The following NCOA2 variants were observed in gnomAD, a reference collection of about 807,000 sequenced individuals.
The protein encoded by NCOA2 is class E basic helix-loop-helix protein 75.
NCOA2 carries 21 observed loss-of-function variants against 145.1 expected under a neutral mutation model. That is an observed-to-expected ratio of 0.14 (90% CI 0.10 to 0.21). The LOEUF (loss-of-function observed/expected upper bound fraction) is 0.21. NCOA2 is among the 10% of genes least tolerant of loss of function. The pLI, the probability that NCOA2 is intolerant of heterozygous loss-of-function variation, is 1.00. For synonymous variants in NCOA2, 619 were observed against 637.5 expected, an observed-to-expected ratio of 0.97 and a Z score of 0.44; for missense variants, 1,472 against 1,837.6, an observed-to-expected ratio of 0.80 and a Z score of 3.64.
At chr8:70,328,669 C>CTGTACACACAGA (rs1023129832) in intron 1 of NCOA2, among the ~76,000 whole-genome samples, 3 of 152,150 alleles carry the variant, frequency 2.0e-5, no homozygotes, top group African/African-American at 7.2e-5. Flanking sequence ...ACCTATTCAT[C>CTGTACACACAGA]TGTACACACA....
chr8:70,260,367 A>C (rs1270571058), intron 2 of NCOA2, among the ~76,000 whole-genome samples: 1 of 152,136 alleles, frequency 6.6e-6, no homozygotes, highest in African/African-American at 2.4e-5. Flanking sequence ...TCCTGGCCTC[A>C]AGCAATCCAC....
In NCOA2 at chr8:70,385,166, C is replaced by T. The variant is rs182491272; in HGVS notation, c.-77+18534G>A. Among the ~76,000 whole-genome samples the T allele has an allele frequency of 2.4e-3, 370 of 152,312 alleles. 2 individuals carry two copies. Among genetic ancestry groups the T allele is most frequent in the African/African-American group, 8.3e-3 (347 of 41,568 alleles). On this transcript the variant is annotated intron_variant, in intron 1 of 22. Coordinates refer to ENST00000452400, the MANE Select transcript of NCOA2 (RefSeq NM_006540.4). ...TAACTTTTTTCATAGTTCTTCTAAA[C>T]ATCCTCTATTTGAATTTAAAATAAT...
chr8:70,412,327 G>A, the NCOA2 span, among the ~76,000 whole-genome samples: 1 of 151,114 alleles, frequency 6.6e-6, no homozygotes, highest in Admixed American at 6.6e-5. Context: ...AAAATAAGTT[G>A]ATATAGTTCC....
chr8:70,157,881 G>T (rs917853504), intron 10 of NCOA2, among the ~76,000 whole-genome samples: 2 of 152,180 alleles, frequency 1.3e-5, no homozygotes, highest in Non-Finnish European at 2.9e-5. Flanking sequence ...AACAGCATGG[G>T]AAGGGAAGTT....
chr8:70,329,670 A>C (rs1479744737), intron 1 of NCOA2, among the ~76,000 whole-genome samples: 3 of 151,612 alleles, frequency 2.0e-5, no homozygotes, highest in Non-Finnish European at 4.4e-5. Context: ...CCAAATGTTG[A>C]TGTATTCATC....
At chr8:70,154,084 G>T (rs1313018413) in intron 11 of NCOA2, among the ~76,000 whole-genome samples, 1 of 152,198 alleles carries the variant, frequency 6.6e-6, no homozygotes, top group Admixed American at 6.5e-5. Flanking sequence ...CCCCAGACCT[G>T]CCTCTGGGTT....
chr8:70,423,154 T>C, the NCOA2 span, among the ~76,000 whole-genome samples: 1 of 152,208 alleles, frequency 6.6e-6, no homozygotes, highest in Non-Finnish European at 1.5e-5. Flanking sequence ...GCCTTCTTTA[T>C]ACTTTCTTTT....
chr8:70,199,086 A>C (rs1817631969), intron 4 of NCOA2, among the ~76,000 whole-genome samples: 1 of 152,184 alleles, frequency 6.6e-6, no homozygotes. Context: ...TTATTTGAGA[A>C]GAAGAAAGGG....
chr8:70,249,963 C>CAA (rs747018939), intron 2 of NCOA2, among the ~76,000 whole-genome samples: 39 of 75,220 alleles, frequency 5.2e-4, no homozygotes, highest in African/African-American at 9.5e-4. Flanking sequence ...AATCTGCCTC[C>CAA]AAAAAAAAAA....
chr8:70,113,572 C>T lies in NCOA2; in HGVS notation c.*60G>A. 6.5e-7 allele frequency: 1 copy of T among 1,537,774 alleles called. No homozygotes were observed. The highest frequency in any genetic ancestry group is 1.4e-5 in the African/African-American group (1 of 72,826). On this transcript the variant is annotated 3_prime_UTR_variant, in exon 23 of 23. Coordinates refer to ENST00000452400, the MANE Select transcript of NCOA2 (RefSeq NM_006540.4). ...AAACAAATAGACACAGCTCTCCAGA[C>T]TGGAAGTGTTTTGAGCAAGTGAGCC...
the NCOA2 span, among the ~76,000 whole-genome samples, chr8:70,437,479 T>A: frequency 2.6e-5 from 4 of 152,200 alleles, no homozygotes; most frequent in Admixed American, 1.3e-4. Context: ...AGCACAGAGG[T>A]GTGTTTGGAA....
chr8:70,367,017 T>C (rs1810759006), intron 1 of NCOA2, among the ~76,000 whole-genome samples: 1 of 152,218 alleles, frequency 6.6e-6, no homozygotes, highest in Non-Finnish European at 1.5e-5. Context: ...AACCTGTTCC[T>C]GACACTGCAC....
rs1824951875 is a variant in NCOA2 at position 70,270,377 on chromosome 8, G to A, written c.-20+26367C>T. On this transcript the variant is annotated intron_variant, in intron 2 of 22. Transcript: ENST00000452400. ...TAACTTTAAAGTGTAGTCCTTCAAT[G>A]ATGTGATTCCTACTGTCTCTTCCAG... 2.0e-5 allele frequency among the ~76,000 whole-genome samples: 3 copies of A among 152,240 alleles called. No individual in the cohort carries two copies. The South Asian group carries it at 6.2e-4, about 32-fold the overall frequency.
At chr8:70,430,100 A>G in the NCOA2 span, among the ~76,000 whole-genome samples, 1 of 152,106 alleles carries the variant, frequency 6.6e-6, no homozygotes, top group African/African-American at 2.4e-5. Flanking sequence ...TGATCCTCCC[A>G]TCTCGGGTTC....
chr8:70,157,042 A>G lies in NCOA2; in HGVS notation c.1323T>C (p.Phe441=). ...KEQMGMPMGR[F]GGSGGMNHVS... ...CATGGTTCATTCCCCCAGAACCACC[A>G]AACCTGCCCATGGGCATGCCCATTT... Residue 441 remains phenylalanine, a synonymous_variant, in exon 11 of 23, where the codon TTT becomes TTC. Transcript: ENST00000452400. 6.2e-7 allele frequency: 1 copy of G among 1,614,050 alleles called. No individual in the cohort carries two copies. Among genetic ancestry groups the G allele is most frequent in the Non-Finnish European group, 8.5e-7 (1 of 1,179,896 alleles).
At chr8:70,285,075 T>TC (rs1826144583) in intron 2 of NCOA2, among the ~76,000 whole-genome samples, 1 of 152,202 alleles carries the variant, frequency 6.6e-6, no homozygotes, top group South Asian at 2.1e-4. Context: ...TACAGGTGAC[T>TC]ACCTATAAAA....
chr8:70,431,345 A>G, the NCOA2 span, among the ~76,000 whole-genome samples: 1 of 152,150 alleles, frequency 6.6e-6, no homozygotes, highest in Non-Finnish European at 1.5e-5. Flanking sequence ...TCAATACTTC[A>G]TTTTATAAAC....
chr8:70,403,303 C>T (rs1586699996), intron 1 of NCOA2, among the ~76,000 whole-genome samples: 1 of 151,450 alleles, frequency 6.6e-6, no homozygotes, highest in Non-Finnish European at 1.5e-5. Flanking sequence ...GGGGGCCGCG[C>T]CCGCACCCCC....
rs138569039 is a variant in NCOA2 at position 70,375,344 on chromosome 8, T to C, written c.-77+28356A>G. ...GCCAAAAATGCCAACTGTCTGTCAC[T>C]TGAATTCTAAGATGAAGAAAAGCCT... On this transcript the variant is annotated intron_variant, in intron 1 of 22. Coordinates refer to ENST00000452400, the MANE Select transcript of NCOA2 (RefSeq NM_006540.4). Among the ~76,000 whole-genome samples, 22 of 152,308 alleles carry C rather than the reference T, an allele frequency of 1.4e-4. No individual in the cohort carries two copies. The East Asian group carries it at 3.7e-3, about 25-fold the overall frequency.
Sources: gnomAD v4.1 joint callset for allele counts (sites outside exome capture counted in the v4.1 genomes callset) on GRCh38, gnomAD v4.1.1 for gene constraint, MANE v1.5 for transcripts, NCBI Gene and HGNC (gene_info 2026-07-23, HGNC 2026-07-21) for gene names.